EVI5: variants seen among roughly 807,000 people sequenced by gnomAD.
The protein encoded by EVI5 is ecotropic viral integration site 5 protein homolog.
A neutral mutation model predicts 112.0 loss-of-function variants in EVI5; 73 were observed. The ratio of observed to expected loss-of-function variants is 0.65; its 90% CI spans 0.54 to 0.79. The LOEUF (loss-of-function observed/expected upper bound fraction) is 0.79, where lower values mean the gene tolerates loss of function less well. EVI5 is among the 30% of genes least tolerant of loss of function. The pLI is 0.00. For synonymous variants in EVI5, 305 were observed against 319.9 expected (o/e 0.95, Z 0.50); for missense variants, 900 against 968.8 (o/e 0.93, Z 0.94).
intron 2 of EVI5, among the ~76,000 whole-genome samples, chr1:92,731,143 G>A (rs1180403373): frequency 3.9e-5 from 6 of 152,110 alleles, no homozygotes; most frequent in Admixed American, 3.3e-4. Flanking sequence ...GGCCAACATG[G>A]TGAAACCCCA....
At chr1:92,702,441 C>CATAAAATAAACTAAA (rs1671324133) in intron 4 of EVI5, among the ~76,000 whole-genome samples, 1 of 140,134 alleles carries the variant, frequency 7.1e-6, no homozygotes, top group Non-Finnish European at 1.5e-5. Context: ...GCTCTAAAGA[C>CATAAAATAAACTAAA]ATAAAATAAA....
chr1:92,676,369 C>T (rs1422953306), intron 10 of EVI5, among the ~76,000 whole-genome samples: 1 of 142,824 alleles, frequency 7.0e-6, no homozygotes, highest in African/African-American at 2.6e-5. Context: ...GAGGGAGTCA[C>T]TCCACTAAAA....
intron 19 of EVI5, among the ~76,000 whole-genome samples, chr1:92,536,495 C>T (rs552423413): frequency 3.9e-5 from 6 of 152,130 alleles, no homozygotes; most frequent in Admixed American, 6.5e-5. Flanking sequence ...AGCTATTCCA[C>T]GCAAGTTATC....
At chr1:92,675,650 T>C (rs897912507) in intron 10 of EVI5, among the ~76,000 whole-genome samples, 1 of 152,042 alleles carries the variant, frequency 6.6e-6, no homozygotes, top group Non-Finnish European at 1.5e-5. Context: ...CCCTTACTCA[T>C]AGTACCTAAA....
rs1220752164 is a variant in EVI5, at chr1:92,785,006, AC to A, written c.-253del. 8 of 984,870 alleles carry A rather than the reference AC, an allele frequency of 8.1e-6. No homozygotes were observed. The highest frequency in any genetic ancestry group is 9.6e-6 in the Non-Finnish European group (8 of 829,920). The allele number at this position is 984,870 out of a possible 1,614,324, so 61.0% of individuals were successfully genotyped here. On this transcript the variant is annotated 5_prime_UTR_variant, in exon 1 of 20. Coordinates refer to ENST00000684568, the MANE Select transcript of EVI5 (RefSeq NM_001350197.2). ...AGCTCAGGGCCGCCTCGCGACCCTC[AC>A]CTACCCCTCCCGGCACCGCCGCTGT... is the stretch of plus-strand genomic sequence containing the variant.
intron 13 of EVI5, among the ~76,000 whole-genome samples, chr1:92,648,118 G>A (rs1462928670): frequency 7.1e-6 from 1 of 141,818 alleles, no homozygotes; most frequent in Non-Finnish European, 1.5e-5. Context: ...AGGCTGAGGT[G>A]GGTAGATTAC....
intron 18 of EVI5, among the ~76,000 whole-genome samples, chr1:92,573,657 G>C (rs1670627440): frequency 6.6e-6 from 1 of 152,014 alleles, no homozygotes; most frequent in Non-Finnish European, 1.5e-5. Flanking sequence ...TTTCAATTCT[G>C]CTATCAGTTT....
At chr1:92,781,416 G>A (rs1415924955) in intron 1 of EVI5, among the ~76,000 whole-genome samples, 1 of 151,908 alleles carries the variant, frequency 6.6e-6, no homozygotes, top group East Asian at 2.0e-4. Context: ...AGGAGGCTGA[G>A]GTGGGAGGAA....
Position 92,513,322 on chromosome 1 carries a change from CAT to C in EVI5, c.*332_*333del, listed in dbSNP as rs1659319380. ...TTTGTCTGAAGAAAATTCAATTTTC[CAT>C]AGTTTTGAACTTCAGAATGGTTCCC... On this transcript the variant is annotated 3_prime_UTR_variant, in exon 20 of 20. Coordinates refer to ENST00000684568, the MANE Select transcript of EVI5 (RefSeq NM_001350197.2). 1 of 152,254 alleles carries C rather than the reference CAT, an allele frequency of 6.6e-6. No individual in the cohort carries two copies. The highest frequency in any genetic ancestry group is 2.4e-5 in the African/African-American group (1 of 41,270). The allele number at this position is 152,254 out of a possible 1,614,324, so 9.4% of individuals were successfully genotyped here.
At chr1:92,625,675 C>A in intron 15 of EVI5, 119 bp downstream of exon 15, 1 of 718,384 alleles carries the variant, frequency 1.4e-6, no homozygotes, top group Non-Finnish European at 2.3e-6. Flanking sequence ...TGACATTAAA[C>A]AGGGTCTCTC....
intron 2 of EVI5, among the ~76,000 whole-genome samples, chr1:92,718,615 A>G (rs889700580): frequency 3.3e-5 from 5 of 152,210 alleles, no homozygotes; most frequent in South Asian, 2.1e-4. Context: ...TGACACCATA[A>G]CATCACAATT....
At chr1:92,687,105 A>G (rs1245573624) in intron 9 of EVI5, among the ~76,000 whole-genome samples, 2 of 152,200 alleles carry the variant, frequency 1.3e-5, no homozygotes, top group Non-Finnish European at 2.9e-5. Flanking sequence ...AAAAAGAACA[A>G]AGCTGGAGGC....
chr1:92,612,664 C>T (rs1035043677), intron 16 of EVI5, among the ~76,000 whole-genome samples: 2 of 145,498 alleles, frequency 1.4e-5, no homozygotes, highest in African/African-American at 2.6e-5. Flanking sequence ...GAGCTGAGAT[C>T]GCGCCACTGC....
At chr1:92,567,108 G>A (rs994939307) in intron 18 of EVI5, among the ~76,000 whole-genome samples, 1 of 152,058 alleles carries the variant, frequency 6.6e-6, no homozygotes, top group South Asian at 2.1e-4. Flanking sequence ...CACCACGCTC[G>A]GCCATGTGCC....
At chr1:92,666,733 TACTC>T (rs1296521569) in intron 10 of EVI5, among the ~76,000 whole-genome samples, 13 of 151,950 alleles carry the variant, frequency 8.6e-5, no homozygotes, top group African/African-American at 2.7e-4. Context: ...GCAAAGGAAA[TACTC>T]ACATTCATCA....
rs553710164 is a variant in EVI5, at chr1:92,524,272, C to T, written c.2167-10302G>A. 2.6e-5 allele frequency among the ~76,000 whole-genome samples: 4 copies of T among 152,024 alleles called. No individual in the cohort carries two copies. In the East Asian group the frequency reaches 7.7e-4, roughly 29 times the overall value. ...TGAAGACGGTGGTCCATACACTGCT[C>T]TAAAGGAACTGGATTTGGGAATTGA... is the stretch of plus-strand genomic sequence containing the variant. On this transcript the variant is annotated intron_variant, in intron 19 of 19. Transcript: ENST00000684568.
chr1:92,510,200 A>G lies in EVI5; in HGVS notation c.*3456T>C, dbSNP rs1047459466. ...CACCTAATTCCTAATCAGAAATGGT[A>G]CTTAAGAATATCAACGTTTAGAATT... is the stretch of plus-strand genomic sequence containing the variant. On this transcript the variant is annotated 3_prime_UTR_variant, in exon 20 of 20. Coordinates refer to ENST00000684568, the MANE Select transcript of EVI5 (RefSeq NM_001350197.2). 1 of 152,232 alleles carries G rather than the reference A, an allele frequency of 6.6e-6. No homozygotes were observed. The highest frequency in any genetic ancestry group is 6.5e-5 in the Admixed American group (1 of 15,284). The allele number at this position is 152,232 out of a possible 1,614,324, so 9.4% of individuals were successfully genotyped here.
chr1:92,605,207 AAG>A, intron 18 of EVI5, 98 bp downstream of exon 18: 2 of 823,492 alleles, frequency 2.4e-6, no homozygotes, highest in South Asian at 3.4e-5. Flanking sequence ...TTACTGAAAA[AAG>A]AATCACAGTC....
intron 18 of EVI5, among the ~76,000 whole-genome samples, chr1:92,568,498 T>C (rs1669838204): frequency 6.6e-6 from 1 of 152,194 alleles, no homozygotes; most frequent in African/African-American, 2.4e-5. Flanking sequence ...TCATTTGAGA[T>C]TCCCAAAGGA....
Sources: gnomAD v4.1 joint callset for allele counts (sites outside exome capture counted in the v4.1 genomes callset) on GRCh38, gnomAD v4.1.1 for gene constraint, MANE v1.5 for transcripts, NCBI Gene and HGNC (gene_info 2026-07-23, HGNC 2026-07-21) for gene names.